Variants in SLC9A4 observed in about 807,000 individuals in gnomAD.
The protein encoded by SLC9A4 is sodium/hydrogen exchanger 4.
In SLC9A4, 63 loss-of-function variants were observed where a neutral mutation model predicts 67.4. That is an observed-to-expected ratio of 0.93 (90% CI 0.76 to 1.15). The LOEUF (loss-of-function observed/expected upper bound fraction) is 1.15. Ranked by LOEUF, SLC9A4 falls within the 50% of genes most tolerant of loss-of-function variation. SLC9A4 has a pLI of 0.00. For synonymous variants in SLC9A4, 393 were observed against 367.2 expected, an observed-to-expected ratio of 1.07 and a Z score of -0.80; for missense variants, 1,089 against 987.7, an observed-to-expected ratio of 1.10 and a Z score of -1.38.
chr2:102,524,716 C>T (rs539181385), intron 9 of SLC9A4, among the ~76,000 whole-genome samples: 2 of 152,140 alleles, frequency 1.3e-5, no homozygotes, highest in South Asian at 2.1e-4. Context: ...AAAACATGAC[C>T]TGGAAAGGAA....
chr2:102,478,019 C>T (rs770212080), intron 1 of SLC9A4, among the ~76,000 whole-genome samples: 3 of 152,210 alleles, frequency 2.0e-5, no homozygotes, highest in Non-Finnish European at 2.9e-5. Context: ...TACTTAACAT[C>T]GTCTTTGCAC....
intron 9 of SLC9A4, among the ~76,000 whole-genome samples, 192 bp downstream of exon 9, chr2:102,520,147 A>T (rs1685374900): frequency 6.6e-6 from 1 of 152,074 alleles, no homozygotes; most frequent in Admixed American, 6.6e-5. Flanking sequence ...CAAAATTGGT[A>T]CCTGTGACAT....
In SLC9A4 at chr2:102,505,712, T is replaced by A. The variant is rs1685037983; in HGVS notation, c.1198+241T>A. On this transcript the variant is annotated intron_variant, in intron 4 of 11. Coordinates refer to ENST00000295269, the MANE Select transcript of SLC9A4 (RefSeq NM_001011552.4). The stretch of plus-strand genomic sequence containing the variant: ...AGGCTGGGGCAAGGAGTACTTTTTT[T>A]TAATTGAAGAAAGAAGTTTCACATC... 4 of 427,502 alleles carry A rather than the reference T, an allele frequency of 9.4e-6. No homozygotes were observed. In the Admixed American group the frequency reaches 1.6e-4, roughly 17 times the overall value. 26.5% of individuals were successfully genotyped at this position (427,502 alleles called of 1,614,324 possible). A position where few individuals can be genotyped will look rare whatever the true frequency, so the allele number is the denominator to read the frequency against.
chr2:102,499,577 G>A (rs1397346422), intron 2 of SLC9A4, among the ~76,000 whole-genome samples: 3 of 152,152 alleles, frequency 2.0e-5, no homozygotes, highest in Non-Finnish European at 4.4e-5. Flanking sequence ...TGTCTGTTGT[G>A]TGTGTCTATT....
In SLC9A4 at chr2:102,473,691, G is replaced by T; in HGVS notation, c.-69G>T. The T allele has an allele frequency of 3.2e-6, 5 of 1,575,172 alleles. No individual in the cohort carries two copies. The highest frequency in any genetic ancestry group is 1.7e-5 in the Admixed American group (1 of 57,450). ...CCCAGGTGGATGCAGTCACTCTCTA[G>T]AAGCCTCCCCGACTTCAGATGTGTG... On this transcript the variant is annotated 5_prime_UTR_variant, in exon 1 of 12. Transcript: ENST00000295269.
intron 2 of SLC9A4, among the ~76,000 whole-genome samples, chr2:102,480,511 T>C (rs1329116142): frequency 2.0e-5 from 3 of 152,186 alleles, no homozygotes; most frequent in Admixed American, 2.0e-4. Flanking sequence ...AAGTTTACAG[T>C]AACTTATTTA....
chr2:102,530,298 G>A (rs562055180), intron 11 of SLC9A4, among the ~76,000 whole-genome samples: 186 of 152,190 alleles, frequency 1.2e-3, no homozygotes, highest in African/African-American at 4.5e-3. Context: ...AAGGCTTTTG[G>A]TCAGGTGGGA....
intron 4 of SLC9A4, among the ~76,000 whole-genome samples, chr2:102,507,005 G>A (rs748633854): frequency 6.9e-4 from 105 of 152,176 alleles, no homozygotes; most frequent in Admixed American, 1.1e-3. Flanking sequence ...GTTCACACTC[G>A]CGAAGGCTTG....
At chr2:102,497,372 T>A (rs1486236668) in intron 2 of SLC9A4, among the ~76,000 whole-genome samples, 2 of 152,220 alleles carry the variant, frequency 1.3e-5, no homozygotes, top group Non-Finnish European at 2.9e-5. Context: ...TGTACATGAA[T>A]GTTCACAGCA....
chr2:102,526,442 G>A, intron 11 of SLC9A4, 96 bp downstream of exon 11: 1 of 1,096,514 alleles, frequency 9.1e-7, no homozygotes, highest in Non-Finnish European at 1.3e-6. Context: ...AGAACATTAT[G>A]TAGGTTACTT....
At position 102,523,771 on chromosome 2, in the gene SLC9A4, G is replaced by A. The variant is rs147429593; in HGVS notation, c.1819-1253G>A. The stretch of plus-strand genomic sequence containing the variant: ...AGCACCCCATTCTTTTATGGTAACA[G>A]ACTCATTCCTGGCTCTTTTCCAGCA... On this transcript the variant is annotated intron_variant, in intron 9 of 11. Coordinates refer to ENST00000295269, the MANE Select transcript of SLC9A4 (RefSeq NM_001011552.4). Among the ~76,000 whole-genome samples the A allele has an allele frequency of 3.3e-5, 5 of 152,266 alleles. No homozygotes were observed. In the East Asian group the frequency reaches 9.7e-4, roughly 29 times the overall value.
Position 102,473,767 on chromosome 2 carries a change from T to G in SLC9A4, c.8T>G (p.Leu3Arg), listed in dbSNP as rs757310998. Residue 3 changes from leucine to arginine, a missense_variant, in exon 1 of 12, where the codon CTG becomes CGG. Coordinates refer to ENST00000295269, the MANE Select transcript of SLC9A4 (RefSeq NM_001011552.4). MA[L>R]QMFVTYSPWN... Reference sequence around the variant, plus strand: ...TAGGAGAAGCCCACAGGAATGGCTCTGCAGATGTTCGTGACTTACAGTCCT... The same window carrying G: ...TAGGAGAAGCCCACAGGAATGGCTCGGCAGATGTTCGTGACTTACAGTCCT... The G allele has an allele frequency of 1.4e-5, 23 of 1,613,872 alleles. No homozygotes were observed. Among genetic ancestry groups the G allele is most frequent in the Non-Finnish European group, 1.9e-5 (23 of 1,179,870 alleles).
At chr2:102,518,729 C>T (rs775593809) in intron 8 of SLC9A4, among the ~76,000 whole-genome samples, 5 of 152,134 alleles carry the variant, frequency 3.3e-5, no homozygotes, top group Non-Finnish European at 5.9e-5. Flanking sequence ...TTGAAAAATA[C>T]TTAAAAGGTG....
At chr2:102,487,113 T>C (rs1014156428) in intron 2 of SLC9A4, among the ~76,000 whole-genome samples, 1 of 152,066 alleles carries the variant, frequency 6.6e-6, no homozygotes, top group African/African-American at 2.4e-5. Flanking sequence ...GGCATTTGCC[T>C]TCAGACATGC....
rs547347057 is a variant in SLC9A4, at chr2:102,527,701, A to G, written c.2038+1355A>G. Among the ~76,000 whole-genome samples the G allele has an allele frequency of 3.3e-5, 5 of 152,352 alleles. No homozygotes were observed. The South Asian group carries it at 6.2e-4, about 19-fold the overall frequency. ...ATCACTAATTTGCCCTCACAACAACAGTCTGTAAGAATGATCTTTTCCTAA... is the reference window on the plus strand; with the variant it reads ...ATCACTAATTTGCCCTCACAACAACGGTCTGTAAGAATGATCTTTTCCTAA... On this transcript the variant is annotated intron_variant, in intron 11 of 11. Coordinates refer to ENST00000295269, the MANE Select transcript of SLC9A4 (RefSeq NM_001011552.4).
chr2:102,490,008 C>A (rs888863998), intron 2 of SLC9A4, among the ~76,000 whole-genome samples: 18 of 151,456 alleles, frequency 1.2e-4, no homozygotes, highest in African/African-American at 4.4e-4. Context: ...TACTACAGGT[C>A]TTTATGATAT....
intron 2 of SLC9A4, among the ~76,000 whole-genome samples, chr2:102,490,126 A>G (rs1027480230): frequency 1.3e-5 from 2 of 152,132 alleles, no homozygotes; most frequent in African/African-American, 4.8e-5. Context: ...CAGTAAAACA[A>G]ATAAAGGGTC....
At chr2:102,499,718 G>GT (rs1439989661) in intron 2 of SLC9A4, among the ~76,000 whole-genome samples, 3 of 152,150 alleles carry the variant, frequency 2.0e-5, no homozygotes, top group Non-Finnish European at 4.4e-5. Flanking sequence ...AGGGAAGAAG[G>GT]CAAGCCTATT....
chr2:102,526,228 T>C (rs1674662708), intron 10 of SLC9A4, 31 bp from the exon 11 acceptor site: 1 of 1,605,652 alleles, frequency 6.2e-7, no homozygotes, highest in African/African-American at 1.3e-5. Flanking sequence ...GACAGCTTAT[T>C]CTGCTTTTTC....
Sources: allele counts gnomAD v4.1 joint callset (sites outside exome capture counted in the v4.1 genomes callset), GRCh38; gene constraint gnomAD v4.1.1; transcripts MANE v1.5; gene names NCBI Gene and HGNC (gene_info 2026-07-23, HGNC 2026-07-21).